Variants in FHIT observed in about 807,000 individuals in gnomAD.
The protein encoded by FHIT is fragile histidine triad diadenosine triphosphatase, also known as bis(5'-adenosyl)-triphosphatase.
In FHIT, 19 loss-of-function variants were observed where a neutral mutation model predicts 17.9. That is an observed-to-expected ratio of 1.06 (90% CI 0.74 to 1.56). The LOEUF is 1.56. FHIT is among the 40% of genes most tolerant of loss of function. FHIT has a pLI of 0.00. For missense variants in FHIT, 248 were observed against 189.2 expected, an observed-to-expected ratio of 1.31 and a Z score of -1.82; for synonymous variants, 81 against 69.7, an observed-to-expected ratio of 1.16 and a Z score of -0.81.
chr3:60,206,242 G>C (rs1460307798), intron 5 of FHIT, among the ~76,000 whole-genome samples: 1 of 151,454 alleles, frequency 6.6e-6, no homozygotes, highest in Non-Finnish European at 1.5e-5. Context: ...TCTTGTTCTT[G>C]CTGCTATTAA....
intron 8 of FHIT, among the ~76,000 whole-genome samples, chr3:59,838,624 G>C (rs933858732): frequency 2.0e-5 from 3 of 152,102 alleles, no homozygotes; most frequent in Admixed American, 1.3e-4. Flanking sequence ...TTAGAGACCT[G>C]GGCTCATATG....
chr3:61,244,736 C>G (rs931193944), intron 1 of FHIT, among the ~76,000 whole-genome samples: 5 of 152,192 alleles, frequency 3.3e-5, no homozygotes, highest in Non-Finnish European at 7.4e-5. Flanking sequence ...TCTGAACAAA[C>G]AGGTCTTGCT....
intron 2 of FHIT, among the ~76,000 whole-genome samples, chr3:61,164,641 T>G (rs1448445269): frequency 2.0e-5 from 3 of 152,232 alleles, no homozygotes; most frequent in African/African-American, 7.2e-5. Flanking sequence ...ATTTTTTTTT[T>G]TTGTTTCAAC....
chr3:61,023,495 A>G (rs966978447), intron 3 of FHIT, among the ~76,000 whole-genome samples: 20 of 152,206 alleles, frequency 1.3e-4, no homozygotes, highest in African/African-American at 4.8e-4. Context: ...AAACTACTTC[A>G]AACTTCAAAT....
intron 5 of FHIT, among the ~76,000 whole-genome samples, chr3:60,497,965 A>C (rs2107516553): frequency 6.6e-6 from 1 of 152,308 alleles, no homozygotes; most frequent in Non-Finnish European, 1.5e-5. Context: ...GTAAAGGGCA[A>C]GATAGTAAAT....
At chr3:61,173,561 C>T (rs1428049203) in intron 2 of FHIT, among the ~76,000 whole-genome samples, 1 of 152,138 alleles carries the variant, frequency 6.6e-6, no homozygotes, top group African/African-American at 2.4e-5. Flanking sequence ...TCCATCAAAA[C>T]TCTGGGGGTT....
chr3:60,402,030 A>T (rs1701677137), intron 5 of FHIT, among the ~76,000 whole-genome samples: 1 of 152,132 alleles, frequency 6.6e-6, no homozygotes, highest in African/African-American at 2.4e-5. Flanking sequence ...CTCCAGACAC[A>T]AAATGCATGC....
chr3:60,490,124 G>A (rs1576748800), intron 5 of FHIT, among the ~76,000 whole-genome samples: 1 of 152,032 alleles, frequency 6.6e-6, no homozygotes, highest in African/African-American at 2.4e-5. Context: ...TAGCAATTCG[G>A]TAATCACAGG....
intron 5 of FHIT, among the ~76,000 whole-genome samples, chr3:60,280,656 G>A (rs1362521408): frequency 6.6e-6 from 1 of 152,046 alleles, no homozygotes; most frequent in Non-Finnish European, 1.5e-5. Context: ...TGGGAGTACG[G>A]CCCTGCTGAC....
At chr3:60,695,117 G>A (rs969130958) in intron 4 of FHIT, among the ~76,000 whole-genome samples, 8 of 152,020 alleles carry the variant, frequency 5.3e-5, no homozygotes, top group Non-Finnish European at 1.2e-4. Context: ...AAGGTAGGCC[G>A]GGTGCTGTGG....
intron 3 of FHIT, among the ~76,000 whole-genome samples, chr3:60,957,147 G>C (rs1462400973): frequency 1.3e-5 from 2 of 150,540 alleles, no homozygotes; most frequent in African/African-American, 2.4e-5. Context: ...TGGGTTCATA[G>C]TAAAAAGCAT....
At chr3:60,605,286 T>C (rs1334763170) in intron 4 of FHIT, among the ~76,000 whole-genome samples, 1 of 152,168 alleles carries the variant, frequency 6.6e-6, no homozygotes, top group Non-Finnish European at 1.5e-5. Flanking sequence ...TGATTTGAAA[T>C]CATACTATTT....
At chr3:60,236,776 A>T (rs952559439) in intron 5 of FHIT, among the ~76,000 whole-genome samples, 2 of 152,196 alleles carry the variant, frequency 1.3e-5, no homozygotes, top group Admixed American at 1.3e-4. Context: ...ATAGAAAAAT[A>T]TAAAAACTCC....
chr3:61,229,148 T>A (rs1006332660), intron 1 of FHIT, among the ~76,000 whole-genome samples: 2 of 152,066 alleles, frequency 1.3e-5, no homozygotes, highest in Admixed American at 6.5e-5. Context: ...GAAAAAAAAG[T>A]CTTTGCAAAT....
intron 5 of FHIT, among the ~76,000 whole-genome samples, chr3:60,406,706 C>T (rs1192579920): frequency 6.6e-6 from 1 of 151,908 alleles, no homozygotes; most frequent in Non-Finnish European, 1.5e-5. Flanking sequence ...GTGGGGTATA[C>T]ACCTGACTTT....
At chr3:61,228,929 A>G (rs545585590) in intron 1 of FHIT, among the ~76,000 whole-genome samples, 2 of 152,330 alleles carry the variant, frequency 1.3e-5, no homozygotes, top group East Asian at 3.9e-4. Flanking sequence ...GAGATACAGC[A>G]CTGAGAGAGA....
At chr3:61,085,519 A>G (rs2035278916) in intron 2 of FHIT, among the ~76,000 whole-genome samples, 1 of 152,114 alleles carries the variant, frequency 6.6e-6, no homozygotes, top group Non-Finnish European at 1.5e-5. Flanking sequence ...TCTTGATATT[A>G]AATGCTTTAT....
intron 8 of FHIT, among the ~76,000 whole-genome samples, chr3:59,885,183 C>A (rs1703567813): frequency 6.6e-6 from 1 of 152,148 alleles, no homozygotes; most frequent in South Asian, 2.1e-4. Flanking sequence ...CACACAAAGT[C>A]CATTTTCTAT....
chr3:60,428,216 T>C (rs919305655), intron 5 of FHIT, among the ~76,000 whole-genome samples: 5 of 152,160 alleles, frequency 3.3e-5, no homozygotes, highest in Admixed American at 6.6e-5. Context: ...GACCTAATCA[T>C]ATTTTTAATA....
Sources: gnomAD v4.1 joint callset for allele counts (sites outside exome capture counted in the v4.1 genomes callset) on GRCh38, gnomAD v4.1.1 for gene constraint, MANE v1.5 for transcripts, NCBI Gene and HGNC (gene_info 2026-07-23, HGNC 2026-07-21) for gene names.